The following ZRANB3 variants were observed in gnomAD, a reference collection of about 807,000 sequenced individuals.
The protein encoded by ZRANB3 is DNA annealing helicase and endonuclease ZRANB3.
Under a neutral mutation model 133.8 loss-of-function variants are expected in ZRANB3, and 125 were observed. The ratio of observed to expected loss-of-function variants is 0.93; its 90% CI spans 0.81 to 1.08. The LOEUF is 1.08. Ranked by LOEUF, ZRANB3 falls within the 50% of genes least tolerant of loss-of-function variation. ZRANB3 has a pLI of 0.00. For synonymous variants in ZRANB3, 387 were observed against 432.7 expected (o/e 0.89, Z 1.31); for missense variants, 1,229 against 1,275.5 (o/e 0.96, Z 0.56).
At chr2:135,416,179 C>A (rs1406323273) in intron 2 of ZRANB3, among the ~76,000 whole-genome samples, 1 of 151,722 alleles carries the variant, frequency 6.6e-6, no homozygotes. Context: ...TCCCTGTTTG[C>A]AGATGACATG....
chr2:135,529,265 C>A (rs1694295739), intron 1 of ZRANB3, among the ~76,000 whole-genome samples: 1 of 152,092 alleles, frequency 6.6e-6, no homozygotes, highest in South Asian at 2.1e-4. Context: ...GAGGGAAAAA[C>A]CCTTTTCTGT....
chr2:135,405,348 T>C (rs1293545042), intron 2 of ZRANB3, among the ~76,000 whole-genome samples: 1 of 152,180 alleles, frequency 6.6e-6, no homozygotes, highest in African/African-American at 2.4e-5. Flanking sequence ...CAAAGAGACT[T>C]AGACTCACAC....
chr2:135,322,003 C>A (rs1683549857), intron 6 of ZRANB3, among the ~76,000 whole-genome samples: 1 of 152,134 alleles, frequency 6.6e-6, no homozygotes, highest in African/African-American at 2.4e-5. Context: ...AAAATCCTTA[C>A]CTAACCCAAA....
chr2:135,369,104 T>C (rs1686061635), intron 3 of ZRANB3, among the ~76,000 whole-genome samples: 1 of 152,032 alleles, frequency 6.6e-6, no homozygotes, highest in Admixed American at 6.6e-5. Context: ...GGGCCTAACT[T>C]GTCTCAGTAG....
intron 1 of ZRANB3, among the ~76,000 whole-genome samples, chr2:135,504,735 T>C (rs1171957824): frequency 6.6e-6 from 1 of 152,140 alleles, no homozygotes; most frequent in African/African-American, 2.4e-5. Context: ...TTTTGAGCCA[T>C]AATACCATAT....
chr2:135,522,392 A>G (rs1203461057), intron 1 of ZRANB3, among the ~76,000 whole-genome samples: 1 of 152,138 alleles, frequency 6.6e-6, no homozygotes, highest in Non-Finnish European at 1.5e-5. Context: ...TTAAACTCTT[A>G]TTCTGTCTCT....
intron 3 of ZRANB3, among the ~76,000 whole-genome samples, chr2:135,385,395 T>C (rs1176527518): frequency 1.3e-5 from 2 of 152,128 alleles, no homozygotes; most frequent in Admixed American, 1.3e-4. Flanking sequence ...AGAATCAATA[T>C]TGTGAAAATG....
At chr2:135,345,484 G>T in intron 6 of ZRANB3, 66 bp downstream of exon 6, 2 of 1,126,028 alleles carry the variant, frequency 1.8e-6, no homozygotes, top group Non-Finnish European at 2.6e-6. Flanking sequence ...AAAAAAGAAT[G>T]ATTAATAAAG....
At chr2:135,219,028 C>A in intron 16 of ZRANB3, 49 bp downstream of exon 16, 2 of 1,209,626 alleles carry the variant, frequency 1.7e-6, no homozygotes, top group South Asian at 4.0e-5. Flanking sequence ...ATTACTAAAA[C>A]AAGTTTATTT....
intron 6 of ZRANB3, among the ~76,000 whole-genome samples, chr2:135,338,156 G>T (rs1443852139): frequency 6.6e-6 from 1 of 152,174 alleles, no homozygotes; most frequent in Non-Finnish European, 1.5e-5. Context: ...TTCATGTCAA[G>T]AAGTTACATG....
chr2:135,506,337 C>T (rs1693188510), intron 1 of ZRANB3, among the ~76,000 whole-genome samples: 1 of 152,070 alleles, frequency 6.6e-6, no homozygotes. Context: ...TTGCAGTGAG[C>T]TGAGATCGCA....
chr2:135,432,262 T>C lies in ZRANB3; in HGVS notation c.162-41442A>G, dbSNP rs375762129. 5.9e-5 allele frequency among the ~76,000 whole-genome samples: 9 copies of C among 151,880 alleles called. No individual in the cohort carries two copies. The South Asian group carries it at 1.9e-3, about 32-fold the overall frequency. On this transcript the variant is annotated intron_variant, in intron 2 of 20. Transcript: ENST00000264159. ...TGAAAACTCCATCTCAAAATAATAA[T>C]AATAATCCCAAATGGACCATAGTAA...
chr2:135,251,499 T>A (rs1455778139), intron 12 of ZRANB3, among the ~76,000 whole-genome samples: 1 of 152,148 alleles, frequency 6.6e-6, no homozygotes, highest in East Asian at 1.9e-4. Context: ...TTGAATTGTA[T>A]CTCCCAGAAT....
chr2:135,479,721 G>A (rs569303639), intron 2 of ZRANB3, among the ~76,000 whole-genome samples: 3 of 151,842 alleles, frequency 2.0e-5, no homozygotes, highest in South Asian at 4.2e-4. Flanking sequence ...TTTCAGACAC[G>A]GAGAGCCAAG....
chr2:135,403,518 C>A (rs1391640377), intron 2 of ZRANB3, among the ~76,000 whole-genome samples: 1 of 152,252 alleles, frequency 6.6e-6, no homozygotes, highest in African/African-American at 2.4e-5. Context: ...GTAGACTCCA[C>A]CTCCGGGGCA....
intron 8 of ZRANB3, among the ~76,000 whole-genome samples, chr2:135,305,764 T>G (rs1327644117): frequency 6.6e-6 from 1 of 152,248 alleles, no homozygotes. Flanking sequence ...TATAGGGCTG[T>G]TCTAGTGATG....
chr2:135,378,178 C>G (rs935454647), intron 3 of ZRANB3, among the ~76,000 whole-genome samples: 9 of 152,102 alleles, frequency 5.9e-5, no homozygotes, highest in Admixed American at 1.3e-4. Context: ...TCTAGAGAAC[C>G]CTGACTAACT....
chr2:135,377,855 C>G (rs1686495685), intron 3 of ZRANB3, among the ~76,000 whole-genome samples: 1 of 152,168 alleles, frequency 6.6e-6, no homozygotes, highest in Admixed American at 6.5e-5. Flanking sequence ...TTTGAGTTAG[C>G]AGGCTGACAA....
rs1573710789 is a variant in ZRANB3, at chr2:135,227,872, T to C, written c.2098A>G (p.Ser700Gly). 2 of 1,575,048 alleles carry C rather than the reference T, an allele frequency of 1.3e-6. No individual in the cohort carries two copies. The highest frequency in any genetic ancestry group is 8.6e-7 in the Non-Finnish European group (1 of 1,158,380). Residue 700 changes from serine (S) to glycine (G), a missense_variant, in exon 14 of 21, where the codon AGC becomes GGC. Ser to Gly is a moderately conservative substitution (Grantham distance 56). Transcript: ENST00000264159. ...TCAATTTTTGGTGTTTCTTCCTTGC[T>C]GTCAGCCAACTGGCCAGGTTCTGAC... ...AQSEPGQLAD[S>G]KEETPKIEKE...
Sources: allele counts gnomAD v4.1 joint callset (sites outside exome capture counted in the v4.1 genomes callset), GRCh38; gene constraint gnomAD v4.1.1; transcripts MANE v1.5; gene names NCBI Gene and HGNC (gene_info 2026-07-23, HGNC 2026-07-21).